The following ADAM23 variants were observed in gnomAD, a reference collection of about 807,000 sequenced individuals.
ADAM23 encodes disintegrin and metalloproteinase domain-containing protein 23.
In ADAM23, 33 loss-of-function variants were observed where a neutral mutation model predicts 120.1. The observed-to-expected ratio is 0.27, with a 90% CI of 0.21 to 0.37. The LOEUF is 0.37. ADAM23 is among the 10% of genes least tolerant of loss of function. The pLI is 1.00. For synonymous variants in ADAM23, 367 were observed against 375.2 expected, an observed-to-expected ratio of 0.98 and a Z score of 0.25; for missense variants, 862 against 1,058.2, an observed-to-expected ratio of 0.81 and a Z score of 2.57.
intron 15 of ADAM23, 142 bp downstream of exon 15, chr2:206,567,464 C>T: frequency 1.7e-6 from 1 of 580,054 alleles, no homozygotes; most frequent in South Asian, 3.7e-5. Flanking sequence ...AAGTCCTTAT[C>T]ATGTTAAAGA....
At chr2:206,597,425 A>G (rs1698550643) in intron 24 of ADAM23, among the ~76,000 whole-genome samples, 1 of 151,342 alleles carries the variant, frequency 6.6e-6, no homozygotes, top group Non-Finnish European at 1.5e-5. Context: ...TAATCCACCC[A>G]CCTTGGCTGG....
At chr2:206,529,322 A>G (rs1035246969) in intron 3 of ADAM23, among the ~76,000 whole-genome samples, 2 of 152,180 alleles carry the variant, frequency 1.3e-5, no homozygotes, top group African/African-American at 4.8e-5. Context: ...GAACTTGCCT[A>G]TTTAAAAAAT....
intron 2 of ADAM23, among the ~76,000 whole-genome samples, chr2:206,471,973 C>T (rs1246763700): frequency 6.6e-6 from 1 of 152,188 alleles, no homozygotes. Flanking sequence ...GCTTGTAATT[C>T]AGTCTTTCTC....
chr2:206,451,748 G>T (rs533844271), intron 2 of ADAM23, among the ~76,000 whole-genome samples: 1 of 152,312 alleles, frequency 6.6e-6, no homozygotes, highest in Admixed American at 6.5e-5. Flanking sequence ...GGTGTATTGG[G>T]AGTGGCAGGA....
At chr2:206,571,931 A>G (rs1698009352) in intron 17 of ADAM23, 115 bp downstream of exon 17, 5 of 808,920 alleles carry the variant, frequency 6.2e-6, no homozygotes, top group Middle Eastern at 2.5e-4. Context: ...CAGTGTACAT[A>G]TTAGCCTGGC....
chr2:206,615,247 T>G (rs1698914138), intron 25 of ADAM23, among the ~76,000 whole-genome samples: 1 of 152,076 alleles, frequency 6.6e-6, no homozygotes, highest in Non-Finnish European at 1.5e-5. Context: ...ATGAAAGCTG[T>G]GAAAATGTAA....
At chr2:206,491,905 G>A (rs1403628340) in intron 3 of ADAM23, among the ~76,000 whole-genome samples, 1 of 152,182 alleles carries the variant, frequency 6.6e-6, no homozygotes, top group African/African-American at 2.4e-5. Context: ...CTCTGTGTTA[G>A]CCAAGTGTAT....
intron 3 of ADAM23, among the ~76,000 whole-genome samples, chr2:206,489,164 T>C (rs1004731055): frequency 2.0e-5 from 3 of 152,212 alleles, no homozygotes; most frequent in Admixed American, 6.5e-5. Context: ...TGGGGACAGC[T>C]TGAGGCACCT....
chr2:206,589,574 C>T, intron 21 of ADAM23, 60 bp downstream of exon 21: 2 of 1,337,672 alleles, frequency 1.5e-6, no homozygotes, highest in Non-Finnish European at 2.1e-6. Flanking sequence ...TATGCAAGTG[C>T]AAAATGAGCA....
intron 3 of ADAM23, among the ~76,000 whole-genome samples, chr2:206,530,547 C>T (rs754310746): frequency 2.1e-5 from 3 of 146,202 alleles, no homozygotes; most frequent in Admixed American, 1.4e-4. Context: ...GTCCGGGAGG[C>T]GGAGCTTGCA....
intron 3 of ADAM23, among the ~76,000 whole-genome samples, chr2:206,516,037 A>C (rs1696722765): frequency 6.6e-6 from 1 of 152,006 alleles, no homozygotes; most frequent in African/African-American, 2.4e-5. Flanking sequence ...AAAGGAGTGG[A>C]AAATATATTC....
chr2:206,487,698 GC>G (rs1197338619), intron 3 of ADAM23, among the ~76,000 whole-genome samples: 7 of 152,232 alleles, frequency 4.6e-5, no homozygotes, highest in African/African-American at 1.7e-4. Flanking sequence ...TTTAGCCCCT[GC>G]CCGATGCAGA....
intron 3 of ADAM23, among the ~76,000 whole-genome samples, chr2:206,490,667 C>T (rs1696115234): frequency 6.6e-6 from 1 of 152,164 alleles, no homozygotes; most frequent in Admixed American, 6.5e-5. Flanking sequence ...TCTAAGCTTT[C>T]TAGTGCTGGT....
At chr2:206,553,074 C>T (rs996393574) in intron 9 of ADAM23, among the ~76,000 whole-genome samples, 1 of 151,864 alleles carries the variant, frequency 6.6e-6, no homozygotes, top group Non-Finnish European at 1.5e-5. Context: ...TAGAGGGAAT[C>T]GATGTTTAAA....
chr2:206,486,918 C>T (rs754389499), intron 3 of ADAM23, among the ~76,000 whole-genome samples: 2 of 152,162 alleles, frequency 1.3e-5, no homozygotes, highest in African/African-American at 2.4e-5. Flanking sequence ...CTGGTGACCG[C>T]TAATCTACAT....
chr2:206,560,761 T>C (rs1454607660), intron 11 of ADAM23, among the ~76,000 whole-genome samples: 3 of 152,336 alleles, frequency 2.0e-5, no homozygotes, highest in Admixed American at 6.5e-5. Flanking sequence ...TACCGTTGAC[T>C]TCCTGTTTTT....
intron 24 of ADAM23, among the ~76,000 whole-genome samples, chr2:206,606,092 T>A (rs964728241): frequency 6.6e-6 from 1 of 152,250 alleles, no homozygotes; most frequent in Non-Finnish European, 1.5e-5. Context: ...AACATAACAC[T>A]GGGTGTGCTT....
In ADAM23 at chr2:206,592,812, C is replaced by G; in HGVS notation, c.2078+76C>G. The G allele has an allele frequency of 2.0e-6, 3 of 1,512,904 alleles. No individual in the cohort carries two copies. In the South Asian group the frequency reaches 3.8e-5, roughly 19 times the overall value. 93.7% of individuals were successfully genotyped at this position (1,512,904 alleles called of 1,614,324 possible). A position where few individuals can be genotyped will look rare whatever the true frequency, so the allele number is the denominator to read the frequency against. ...TCACAAAATGAAATTTCAAAAAAAT[C>G]AGAAATCAAAGATTTTTCTAGTTTT... On this transcript the variant is annotated intron_variant, in intron 22 of 25. Coordinates refer to ENST00000264377, the MANE Select transcript of ADAM23 (RefSeq NM_003812.4).
intron 5 of ADAM23, among the ~76,000 whole-genome samples, chr2:206,542,802 T>G (rs1247247720): frequency 6.6e-6 from 1 of 152,224 alleles, no homozygotes; most frequent in Admixed American, 6.5e-5. Flanking sequence ...TACCACTGTT[T>G]GCTTCTTCAG....
Sources: allele counts gnomAD v4.1 joint callset (sites outside exome capture counted in the v4.1 genomes callset), GRCh38; gene constraint gnomAD v4.1.1; transcripts MANE v1.5; gene names NCBI Gene and HGNC (gene_info 2026-07-23, HGNC 2026-07-21).